The following CHST8 variants were observed in gnomAD, a reference collection of about 807,000 sequenced individuals.
CHST8 encodes carbohydrate sulfotransferase 8, also known as GALNAC-4-ST1.
Under a neutral mutation model 15.0 loss-of-function variants are expected in CHST8, and 10 were observed. The observed-to-expected ratio is 0.67, with a 90% CI of 0.41 to 1.13. CHST8 has a LOEUF of 1.13. CHST8 is among the 50% of genes most tolerant of loss of function. The pLI, the probability that CHST8 is intolerant of heterozygous loss-of-function variation, is 0.00. For missense variants in CHST8, 634 were observed against 608.2 expected, an observed-to-expected ratio of 1.04 and a Z score of -0.45; for synonymous variants, 259 against 256.6, an observed-to-expected ratio of 1.01 and a Z score of -0.09.
chr19:33,677,298 A>G (rs1333291393), intron 2 of CHST8, among the ~76,000 whole-genome samples: 2 of 152,188 alleles, frequency 1.3e-5, no homozygotes, highest in Non-Finnish European at 2.9e-5. Context: ...AGCCCCACGT[A>G]CAGGGATCAT....
At chr19:33,710,842 T>C (rs188222020) in intron 3 of CHST8, among the ~76,000 whole-genome samples, 42 of 151,908 alleles carry the variant, frequency 2.8e-4, no homozygotes, top group Middle Eastern at 3.4e-3. Flanking sequence ...CGCTTCTTGA[T>C]ATGTTGTATG....
At chr19:33,668,340 C>G (rs1972690107) in intron 2 of CHST8, among the ~76,000 whole-genome samples, 1 of 152,168 alleles carries the variant, frequency 6.6e-6, no homozygotes, top group Non-Finnish European at 1.5e-5. Flanking sequence ...CTTGGGAGAG[C>G]CTTCGCTGGC....
intron 2 of CHST8, among the ~76,000 whole-genome samples, chr19:33,668,047 T>C (rs1337677678): frequency 6.6e-6 from 1 of 152,140 alleles, no homozygotes; most frequent in African/African-American, 2.4e-5. Context: ...AGGAAAAGAA[T>C]GAGAGTGGGC....
intron 3 of CHST8, among the ~76,000 whole-genome samples, chr19:33,763,188 C>T (rs554721220): frequency 4.6e-5 from 7 of 152,302 alleles, no homozygotes; most frequent in Admixed American, 2.6e-4. Flanking sequence ...GCTAAGCCTG[C>T]ATTAAAAACT....
chr19:33,642,107 G>T (rs765560958), intron 1 of CHST8, among the ~76,000 whole-genome samples: 2 of 152,176 alleles, frequency 1.3e-5, no homozygotes, highest in Non-Finnish European at 2.9e-5. Flanking sequence ...ACAGGCCATG[G>T]CTGCAGGGCT....
chr19:33,762,849 C>T (rs1013953791), intron 3 of CHST8, among the ~76,000 whole-genome samples: 8 of 150,072 alleles, frequency 5.3e-5, no homozygotes, highest in South Asian at 2.1e-4. Context: ...TGGGTGTGTG[C>T]GCTCAGTTTT....
intron 3 of CHST8, among the ~76,000 whole-genome samples, chr19:33,717,980 G>A (rs1973693784): frequency 6.6e-6 from 1 of 152,120 alleles, no homozygotes. Flanking sequence ...ATACCAAACG[G>A]ACTTGCAGTC....
At chr19:33,688,898 C>G (rs1390090300) in intron 2 of CHST8, among the ~76,000 whole-genome samples, 1 of 152,118 alleles carries the variant, frequency 6.6e-6, no homozygotes, top group African/African-American at 2.4e-5. Context: ...AGGTTCCCAA[C>G]TGGGCTCCCC....
At chr19:33,622,792 C>A (rs1226223979) in intron 1 of CHST8, among the ~76,000 whole-genome samples, 2 of 152,186 alleles carry the variant, frequency 1.3e-5, no homozygotes, top group East Asian at 3.9e-4. Flanking sequence ...TCCTACCCAG[C>A]GGCTCCGTCG....
chr19:33,705,748 AG>A (rs1973434261), intron 3 of CHST8, among the ~76,000 whole-genome samples: 1 of 152,098 alleles, frequency 6.6e-6, no homozygotes, highest in Non-Finnish European at 1.5e-5. Flanking sequence ...ACACTCAGCA[AG>A]GGTCCCTTTG....
At position 33,772,859 on chromosome 19, in the gene CHST8, C is replaced by T; in HGVS notation, c.1071C>T (p.Phe357=). The change falls in exon 5 of 5, where the codon TTC becomes TTT. Residue 357 remains phenylalanine (F), a synonymous_variant. Coordinates refer to ENST00000650847, the MANE Select transcript of CHST8 (RefSeq NM_001127895.2). ...AGAGCATGGAGGACGATGCCAACTT[C>T]TTCCTGAGCCTCATCCGCGCGCCGC... ...KFESMEDDAN[F]FLSLIRAPRN... 1 of 1,613,556 alleles carries T rather than the reference C, an allele frequency of 6.2e-7. No homozygotes were observed. Among genetic ancestry groups the T allele is most frequent in the African/African-American group, 1.3e-5 (1 of 75,066 alleles).
At chr19:33,754,554 G>A (rs1974506605) in intron 3 of CHST8, among the ~76,000 whole-genome samples, 1 of 152,186 alleles carries the variant, frequency 6.6e-6, no homozygotes, top group Non-Finnish European at 1.5e-5. Context: ...TACCAAAGAG[G>A]AGGCTCATCC....
intron 3 of CHST8, among the ~76,000 whole-genome samples, chr19:33,706,971 C>T (rs998283957): frequency 2.0e-5 from 3 of 152,118 alleles, no homozygotes; most frequent in Admixed American, 6.5e-5. Context: ...ATTTTAGAGA[C>T]GTTTACTGAA....
Position 33,773,197 on chromosome 19 carries a change from A to T in CHST8, c.*134A>T. The T allele has an allele frequency of 9.1e-7, 1 of 1,098,528 alleles. No homozygotes were observed. The highest frequency in any genetic ancestry group is 1.7e-5 in the South Asian group (1 of 60,342). The allele number at this position is 1,098,528 out of a possible 1,614,324, so 68.0% of individuals were successfully genotyped here. On this transcript the variant is annotated 3_prime_UTR_variant, in exon 5 of 5. Coordinates refer to ENST00000650847, the MANE Select transcript of CHST8 (RefSeq NM_001127895.2). ...GTGAGGAGCCATCGCTGTGGGAGGC[A>T]GCAGGCCCCGGGTGGGGGGCAGAGG...
At chr19:33,758,650 A>G (rs961845126) in intron 3 of CHST8, among the ~76,000 whole-genome samples, 5 of 152,204 alleles carry the variant, frequency 3.3e-5, no homozygotes, top group Non-Finnish European at 7.3e-5. Flanking sequence ...GCTGGGCCAC[A>G]GTGGTAATGA....
chr19:33,691,549 G>C (rs999684705), intron 3 of CHST8, among the ~76,000 whole-genome samples: 1 of 151,894 alleles, frequency 6.6e-6, no homozygotes, highest in African/African-American at 2.4e-5. Context: ...TTGTGATTCG[G>C]TACCAAGAAA....
chr19:33,704,996 GT>G (rs1285894750), intron 3 of CHST8, among the ~76,000 whole-genome samples: 1 of 152,024 alleles, frequency 6.6e-6, no homozygotes, highest in Non-Finnish European at 1.5e-5. Context: ...TTTGGAATGT[GT>G]TTTTTAACGT....
chr19:33,755,936 A>G (rs76084198), intron 3 of CHST8, among the ~76,000 whole-genome samples: 3,231 of 152,254 alleles, frequency 0.021, 55 homozygotes, highest in East Asian at 0.028. Context: ...AGGCTAAGCA[A>G]AGAGTTTGAG....
At chr19:33,622,756 T>A (rs1316271193) in intron 1 of CHST8, among the ~76,000 whole-genome samples, 1 of 152,046 alleles carries the variant, frequency 6.6e-6, no homozygotes, top group African/African-American at 2.4e-5. Context: ...GCAGAGACTA[T>A]GGGGGAAGTT....
Sources: allele counts gnomAD v4.1 joint callset (sites outside exome capture counted in the v4.1 genomes callset), GRCh38; gene constraint gnomAD v4.1.1; transcripts MANE v1.5; gene names NCBI Gene and HGNC (gene_info 2026-07-23, HGNC 2026-07-21).